CLPP: variants seen among roughly 807,000 people sequenced by gnomAD.
The protein encoded by CLPP is ATP-dependent Clp protease proteolytic subunit, mitochondrial.
CLPP carries 14 observed loss-of-function variants against 27.4 expected under a neutral mutation model. The observed-to-expected ratio is 0.51, with a 90% CI of 0.34 to 0.80. The LOEUF is 0.80. Ranked by LOEUF, CLPP falls within the 30% of genes least tolerant of loss-of-function variation. CLPP has a pLI of 0.02. For synonymous variants in CLPP, 193 were observed against 166.6 expected, an observed-to-expected ratio of 1.16 and a Z score of -1.22; for missense variants, 361 against 403.6, an observed-to-expected ratio of 0.89 and a Z score of 0.90.
chr19:6,362,562 G>C lies in CLPP; in HGVS notation c.367+20G>C. ...GCCCTGGTGAGCAGGGTCTTTCCTG[G>C]GTGCCAGGGGCACTCGTCAGGGCAC... is the stretch of plus-strand genomic sequence containing the variant. On this transcript the variant is annotated intron_variant, in intron 3 of 5. Transcript: ENST00000245816. 1 of 1,550,700 alleles carries C rather than the reference G, an allele frequency of 6.4e-7. No homozygotes were observed. The highest frequency in any genetic ancestry group is 8.9e-7 in the Non-Finnish European group (1 of 1,122,322).
At position 6,369,431 on chromosome 19, in the gene CLPP, A is replaced by C. The variant is rs1332667403; in HGVS notation, c.*721A>C. Among the ~76,000 whole-genome samples, 15 of 149,054 alleles carry C rather than the reference A, an allele frequency of 1.0e-4. No homozygotes were observed. The highest frequency in any genetic ancestry group is 2.2e-4 in the Non-Finnish European group (15 of 67,618). On this transcript the variant is annotated 3_prime_UTR_variant, in exon 6 of 6. Transcript: ENST00000245816. ...CTCTGTCTCAAAAAAAAAAAAAAAC[A>C]AAAACAGGAAAGGTGGCATGCAAGT...
intron 2 of CLPP, 92 bp downstream of exon 2, chr19:6,362,032 C>T (rs2091837301): frequency 6.4e-6 from 8 of 1,241,256 alleles, no homozygotes; most frequent in Non-Finnish European, 9.0e-6. Flanking sequence ...CAGACTTTCC[C>T]TCAGGCTCCG....
chr19:6,365,464 ACT>A (rs1028901114), intron 4 of CLPP, among the ~76,000 whole-genome samples: 1 of 151,996 alleles, frequency 6.6e-6, no homozygotes, highest in Non-Finnish European at 1.5e-5. Flanking sequence ...ACAGAGCAAG[ACT>A]CTGTCTCAAA....
rs1009686084 is a variant in CLPP at position 6,369,215 on chromosome 19, G to A, written c.*505G>A. Among the ~76,000 whole-genome samples the A allele has an allele frequency of 6.6e-6, 1 of 152,120 alleles. No homozygotes were observed. The highest frequency in any genetic ancestry group is 2.4e-5 in the African/African-American group (1 of 41,432). ...AGGCAGGCGGATCATGAGGTCAGGA[G>A]ATCGAGAACATCCTGGCTAACATGG... On this transcript the variant is annotated 3_prime_UTR_variant, in exon 6 of 6. Transcript: ENST00000245816.
intron 4 of CLPP, 89 bp downstream of exon 4, chr19:6,364,728 GAT>G: frequency 8.4e-7 from 1 of 1,187,846 alleles, no homozygotes; most frequent in South Asian, 1.5e-5. Context: ...CGTGGGAGGG[GAT>G]GTTTTTTTTT....
chr19:6,366,238 C>G lies in CLPP; in HGVS notation c.556-20C>G. On this transcript the variant is annotated intron_variant, in intron 4 of 5. Coordinates refer to ENST00000245816, the MANE Select transcript of CLPP (RefSeq NM_006012.4). ...GCCGATACCAACCTTTACCCCCTCA[C>G]TCCCTTGGACGTCCCTCAGGGCCAA... 1 of 1,573,580 alleles carries G rather than the reference C, an allele frequency of 6.4e-7. No homozygotes were observed. Among genetic ancestry groups the G allele is most frequent in the Non-Finnish European group, 8.7e-7 (1 of 1,148,690 alleles).
In CLPP at chr19:6,362,980, C is replaced by G. The variant is rs574276993; in HGVS notation, c.367+438C>G. On this transcript the variant is annotated intron_variant, in intron 3 of 5. Transcript: ENST00000245816. Reference sequence around the variant, plus strand: ...TGGCGTGTGCCTGTAGTCCCAGCAACTCGGAAGGCTGAGGGAGAAGGATCA... The same window carrying G: ...TGGCGTGTGCCTGTAGTCCCAGCAAGTCGGAAGGCTGAGGGAGAAGGATCA... 3.9e-5 allele frequency among the ~76,000 whole-genome samples: 6 copies of G among 152,148 alleles called. No homozygotes were observed. In the East Asian group the frequency reaches 1.2e-3, roughly 29 times the overall value.
At chr19:6,363,904 A>C (rs1430197849) in intron 3 of CLPP, among the ~76,000 whole-genome samples, 3 of 151,412 alleles carry the variant, frequency 2.0e-5, no homozygotes, top group African/African-American at 7.3e-5. Flanking sequence ...AAAAAAAAAA[A>C]ATAGCTGCTT....
chr19:6,362,624 A>T (rs1599193771), intron 3 of CLPP, 82 bp downstream of exon 3: 2 of 968,886 alleles, frequency 2.1e-6, no homozygotes, highest in Middle Eastern at 4.2e-4. Flanking sequence ...CGGGTCAGGG[A>T]TGTTCTCTCT....
chr19:6,366,045 A>G (rs2091860756), intron 4 of CLPP, among the ~76,000 whole-genome samples: 1 of 152,196 alleles, frequency 6.6e-6, no homozygotes, highest in Non-Finnish European at 1.5e-5. Context: ...CTTCAGATGC[A>G]GAAAATAACA....
Position 6,369,588 on chromosome 19 carries a change from A to C in CLPP, c.*878A>C, listed in dbSNP as rs1455914320. ...TCCAGGCAGAGGGCACAGCCAGTGC[A>C]AAGGCCCTGTGACAGGACTGTACCT... On this transcript the variant is annotated 3_prime_UTR_variant, in exon 6 of 6. Transcript: ENST00000245816. Among the ~76,000 whole-genome samples the C allele has an allele frequency of 6.6e-6, 1 of 152,202 alleles. No individual in the cohort carries two copies. The highest frequency in any genetic ancestry group is 6.5e-5 in the Admixed American group (1 of 15,272).
chr19:6,368,733 T>C lies in CLPP; in HGVS notation c.*23T>C. The C allele has an allele frequency of 1.9e-6, 3 of 1,546,936 alleles. No individual in the cohort carries two copies. ...TGAGAGCTGGGCCTCCTCTCCAGAA[T>C]CATGTGGAGGGGCCAGAGGCCTGCC... is the stretch of plus-strand genomic sequence containing the variant. On this transcript the variant is annotated 3_prime_UTR_variant, in exon 6 of 6. Coordinates refer to ENST00000245816, the MANE Select transcript of CLPP (RefSeq NM_006012.4).
chr19:6,365,504 C>G (rs2091857687), intron 4 of CLPP, among the ~76,000 whole-genome samples: 1 of 152,058 alleles, frequency 6.6e-6, no homozygotes, highest in African/African-American at 2.4e-5. Flanking sequence ...AGAAAATGCA[C>G]TGAGGAGTTG....
intron 2 of CLPP, 46 bp from the exon 3 acceptor site, chr19:6,362,400 C>T: frequency 7.2e-7 from 1 of 1,391,086 alleles, no homozygotes; most frequent in Non-Finnish European, 1.0e-6. Context: ...TTAAAACTCT[C>T]TCCCCACCCC....
At chr19:6,362,002 C>CG (rs1319445923) in intron 2 of CLPP, 62 bp downstream of exon 2, 2 of 1,466,836 alleles carry the variant, frequency 1.4e-6, no homozygotes, top group African/African-American at 2.8e-5. Context: ...ACACTCCCTG[C>CG]GCCCCTCCTT....
intron 2 of CLPP, chr19:6,362,226 C>T (rs759544606): frequency 1.7e-6 from 1 of 603,006 alleles, no homozygotes; most frequent in Non-Finnish European, 2.9e-6. Context: ...CCTTCCTTTC[C>T]TGTGTCCCTA....
Position 6,361,917 on chromosome 19 carries a change from C to A in CLPP, c.247C>A (p.Arg83Ser). The A allele has an allele frequency of 6.3e-7, 1 of 1,598,154 alleles. No individual in the cohort carries two copies. ...YDIYSRLLRE[R>S]IVCVMGPIDD... ...CATCTACTCGCGGCTGCTGCGGGAG[C>A]GCATCGTGTGCGTCATGGGCCCGGT... is the stretch of plus-strand genomic sequence containing the variant. Residue 83 changes from arginine to serine, a missense_variant, in exon 2 of 6, where the codon CGC becomes AGC. By Grantham distance (110) the Arg-to-Ser change is moderately radical. Coordinates refer to ENST00000245816, the MANE Select transcript of CLPP (RefSeq NM_006012.4).
At chr19:6,364,691 A>G in intron 4 of CLPP, 52 bp downstream of exon 4, 1 of 1,521,082 alleles carries the variant, frequency 6.6e-7, no homozygotes, top group Non-Finnish European at 8.9e-7. Context: ...GGGTCTAGAC[A>G]GAAGGACTGA....
chr19:6,367,843 C>G (rs1235880807), intron 5 of CLPP, among the ~76,000 whole-genome samples: 3 of 151,494 alleles, frequency 2.0e-5, no homozygotes, highest in African/African-American at 7.3e-5. Context: ...GCTGGGATTA[C>G]AGGCGTGTGC....
Sources: allele counts gnomAD v4.1 joint callset (sites outside exome capture counted in the v4.1 genomes callset), GRCh38; gene constraint gnomAD v4.1.1; transcripts MANE v1.5; gene names NCBI Gene and HGNC (gene_info 2026-07-23, HGNC 2026-07-21).